The following PRELID2 variants were observed in gnomAD, a reference collection of about 807,000 sequenced individuals.
PRELID2 encodes the protein PRELI domain containing 2.
A neutral mutation model predicts 28.4 loss-of-function variants in PRELID2; 25 were observed. That is an observed-to-expected ratio of 0.88 (90% CI 0.64 to 1.23). The LOEUF is 1.23. Among genes scored for constraint, PRELID2 ranks in the 50% most tolerant of loss-of-function variants. The probability of loss-of-function intolerance (pLI) is 0.00; values close to 1 mark genes in which losing one functional copy is unlikely to be tolerated. For missense variants in PRELID2, 201 were observed against 214.4 expected, an observed-to-expected ratio of 0.94 and a Z score of 0.39; for synonymous variants, 76 against 71.6, an observed-to-expected ratio of 1.06 and a Z score of -0.31.
chr5:145,686,325 C>T (rs1755037997), intron 1 of PRELID2, among the ~76,000 whole-genome samples: 1 of 152,120 alleles, frequency 6.6e-6, no homozygotes, highest in African/African-American at 2.4e-5. Context: ...TTTTCAATAA[C>T]TAAATTCGAA....
chr5:145,615,514 G>A (rs1753685090), intron 1 of PRELID2, among the ~76,000 whole-genome samples: 1 of 131,202 alleles, frequency 7.6e-6, no homozygotes, highest in Admixed American at 8.4e-5. Flanking sequence ...TTTTAGTAGA[G>A]ACGGGGTTTC....
the PRELID2 span, among the ~76,000 whole-genome samples, chr5:145,325,138 CAAAT>C: frequency 1.3e-5 from 2 of 152,104 alleles, no homozygotes; most frequent in Admixed American, 6.5e-5. Context: ...AAAACATGCA[CAAAT>C]AGTTTTTAAA....
At chr5:145,400,498 G>GA in the PRELID2 span, among the ~76,000 whole-genome samples, 20 of 152,096 alleles carry the variant, frequency 1.3e-4, no homozygotes, top group Non-Finnish European at 2.5e-4. Flanking sequence ...AGTGAGAGGG[G>GA]AAAAAAATCT....
At chr5:145,492,101 A>G (rs1276215778) in intron 1 of PRELID2, among the ~76,000 whole-genome samples, 1 of 152,092 alleles carries the variant, frequency 6.6e-6, no homozygotes, top group African/African-American at 2.4e-5. Context: ...TAATTTTTTG[A>G]GAAACCGCCA....
chr5:145,639,416 T>A (rs1754057679), intron 1 of PRELID2, among the ~76,000 whole-genome samples: 1 of 152,202 alleles, frequency 6.6e-6, no homozygotes, highest in Non-Finnish European at 1.5e-5. Context: ...GCATTGTTTT[T>A]GCCATCTGGA....
the PRELID2 span, among the ~76,000 whole-genome samples, chr5:145,455,952 C>T: frequency 6.8e-6 from 1 of 148,044 alleles, no homozygotes; most frequent in East Asian, 2.0e-4. Context: ...GTTGATCTCA[C>T]TGGGAGCTGC....
chr5:145,734,672 A>G (rs147772169), intron 1 of PRELID2, among the ~76,000 whole-genome samples: 58 of 152,296 alleles, frequency 3.8e-4, no homozygotes, highest in Middle Eastern at 3.4e-3. Flanking sequence ...ATTTATTTTC[A>G]TGGCTAACTT....
At chr5:145,688,645 A>T (rs982382794) in intron 1 of PRELID2, among the ~76,000 whole-genome samples, 6 of 152,208 alleles carry the variant, frequency 3.9e-5, no homozygotes, top group African/African-American at 1.4e-4. Flanking sequence ...AGAAGATGTC[A>T]ATGTTCTTAG....
intron 1 of PRELID2, among the ~76,000 whole-genome samples, chr5:145,731,853 T>C (rs1031723528): frequency 6.6e-6 from 1 of 152,078 alleles, no homozygotes; most frequent in African/African-American, 2.4e-5. Context: ...AGAAGGGAGA[T>C]AAGGAGATTA....
chr5:145,647,976 C>T (rs1162971364), intron 1 of PRELID2, among the ~76,000 whole-genome samples: 2 of 152,160 alleles, frequency 1.3e-5, no homozygotes, highest in Non-Finnish European at 2.9e-5. Context: ...CAGAGCTGTT[C>T]CTATTTGGCC....
the PRELID2 span, among the ~76,000 whole-genome samples, chr5:145,288,250 A>G: frequency 6.6e-6 from 1 of 152,162 alleles, no homozygotes; most frequent in South Asian, 2.1e-4. Context: ...ATTCACCCCC[A>G]ATAGAGATTT....
intron 1 of PRELID2, among the ~76,000 whole-genome samples, chr5:145,713,672 T>C (rs1016718355): frequency 2.1e-5 from 2 of 96,728 alleles, no homozygotes; most frequent in African/African-American, 9.7e-5. Flanking sequence ...ATAGTGTGTG[T>C]ATATATATAT....
chr5:145,415,048 A>G, the PRELID2 span, among the ~76,000 whole-genome samples: 1 of 152,168 alleles, frequency 6.6e-6, no homozygotes, highest in Non-Finnish European at 1.5e-5. Flanking sequence ...ATACATTCTT[A>G]TCACCACACA....
the PRELID2 span, among the ~76,000 whole-genome samples, chr5:145,286,724 G>GTTTTT: frequency 2.6e-5 from 3 of 114,422 alleles, no homozygotes; most frequent in Non-Finnish European, 5.1e-5. Context: ...TTGTTTGTTT[G>GTTTTT]TTTTTTTTTT....
chr5:145,675,197 A>G (rs2081377206), intron 1 of PRELID2, among the ~76,000 whole-genome samples: 1 of 152,194 alleles, frequency 6.6e-6, no homozygotes, highest in Non-Finnish European at 1.5e-5. Context: ...AATAGAGGAA[A>G]GAATAAATCG....
At chr5:145,589,708 T>C (rs1040034177) in intron 1 of PRELID2, among the ~76,000 whole-genome samples, 1 of 152,184 alleles carries the variant, frequency 6.6e-6, no homozygotes, top group African/African-American at 2.4e-5. Flanking sequence ...AAGACATTTT[T>C]CTAACTGTTT....
chr5:145,615,606 G>A (rs1032503732), intron 1 of PRELID2, among the ~76,000 whole-genome samples: 1 of 116,256 alleles, frequency 8.6e-6, no homozygotes, highest in Non-Finnish European at 1.7e-5. Context: ...GATTACAGGC[G>A]TGAGCCACCG....
chr5:145,350,161 A>C, the PRELID2 span, among the ~76,000 whole-genome samples: 7 of 152,222 alleles, frequency 4.6e-5, no homozygotes, highest in African/African-American at 1.4e-4. Context: ...TTATATGTGC[A>C]TCAAATAAGA....
At chr5:145,818,401 G>A (rs1374884581) in intron 3 of PRELID2, among the ~76,000 whole-genome samples, 1 of 152,132 alleles carries the variant, frequency 6.6e-6, no homozygotes, top group African/African-American at 2.4e-5. Context: ...CCACTTACAA[G>A]CTCACATGCA....
Sources: allele counts gnomAD v4.1 joint callset (sites outside exome capture counted in the v4.1 genomes callset), GRCh38; gene constraint gnomAD v4.1.1; transcripts MANE v1.5; gene names NCBI Gene and HGNC (gene_info 2026-07-23, HGNC 2026-07-21).